The following TMEM39B variants were observed in gnomAD, a reference collection of about 807,000 sequenced individuals.
TMEM39B encodes the protein transmembrane protein 39B.
Under a neutral mutation model 52.2 loss-of-function variants are expected in TMEM39B, and 23 were observed. The ratio of observed to expected loss-of-function variants is 0.44; its 90% CI spans 0.32 to 0.62. TMEM39B has a LOEUF of 0.62. Ranked by LOEUF, TMEM39B falls within the 20% of genes least tolerant of loss-of-function variation. TMEM39B has a pLI of 0.06. For synonymous variants in TMEM39B, 285 were observed against 264.0 expected, an observed-to-expected ratio of 1.08 and a Z score of -0.77; for missense variants, 547 against 642.0, an observed-to-expected ratio of 0.85 and a Z score of 1.60.
chr1:32,088,008 C>G (rs1190290603), intron 5 of TMEM39B, among the ~76,000 whole-genome samples: 5 of 150,716 alleles, frequency 3.3e-5, no homozygotes, highest in African/African-American at 1.2e-4. Context: ...CGCCTGTAGT[C>G]CCGGCTACTC....
At chr1:32,072,916 C>A, upstream of TMEM39B, 1 of 1,241,844 alleles carries the variant, frequency 8.1e-7, no homozygotes, top group South Asian at 1.4e-5. Context: ...GCAAATGTAG[C>A]GGCGCGGCGG....
intron 6 of TMEM39B, among the ~76,000 whole-genome samples, chr1:32,092,437 C>T (rs754536282): frequency 2.0e-5 from 3 of 152,208 alleles, no homozygotes; most frequent in South Asian, 2.1e-4. Flanking sequence ...GGATTACAAG[C>T]GTGAGCCACT....
At chr1:32,100,096 G>A (rs1640961303) in intron 7 of TMEM39B, among the ~76,000 whole-genome samples, 1 of 151,990 alleles carries the variant, frequency 6.6e-6, no homozygotes, top group Non-Finnish European at 1.5e-5. Context: ...GTCAGGCTGA[G>A]CTTAGTATTT....
chr1:32,078,311 C>T (rs1178056924), intron 5 of TMEM39B, among the ~76,000 whole-genome samples: 1 of 151,978 alleles, frequency 6.6e-6, no homozygotes, highest in African/African-American at 2.4e-5. Context: ...TGGCGAAATC[C>T]TGTCTACTAA....
At chr1:32,089,011 C>A (rs562993717) in intron 5 of TMEM39B, among the ~76,000 whole-genome samples, 4 of 151,854 alleles carry the variant, frequency 2.6e-5, no homozygotes, top group Non-Finnish European at 5.9e-5. Context: ...TAGTGTAATA[C>A]CTTGCTGAGA....
In TMEM39B at chr1:32,092,024, A is replaced by G. The variant is rs1221680804; in HGVS notation, c.927+13A>G. 1.2e-6 allele frequency: 2 copies of G among 1,608,114 alleles called. No homozygotes were observed. The highest frequency in any genetic ancestry group is 1.3e-5 in the African/African-American group (1 of 74,988). On this transcript the variant is annotated intron_variant, in intron 6 of 8. Coordinates refer to ENST00000336294, the MANE Select transcript of TMEM39B (RefSeq NM_018056.4). ...CTGGTTCGTGAAGGTGCGTACCTCA[A>G]GCCAGGGAGGGAAAGGGACTAGCTG...
intron 5 of TMEM39B, among the ~76,000 whole-genome samples, chr1:32,086,387 T>A (rs945251210): frequency 6.6e-6 from 1 of 152,146 alleles, no homozygotes; most frequent in African/African-American, 2.4e-5. Flanking sequence ...CCCCTGGTTA[T>A]TGAGCACATG....
intron 6 of TMEM39B, 40 bp from the exon 7 acceptor site, chr1:32,094,744 A>C (rs1295994360): frequency 6.2e-7 from 1 of 1,605,194 alleles, no homozygotes; most frequent in East Asian, 2.2e-5. Flanking sequence ...TGAGGCCATT[A>C]TGGGGATCCC....
At chr1:32,088,295 T>C (rs1231085688) in intron 5 of TMEM39B, among the ~76,000 whole-genome samples, 1 of 150,278 alleles carries the variant, frequency 6.7e-6, no homozygotes, top group Non-Finnish European at 1.5e-5. Context: ...CGGGCGCCTG[T>C]AGTCCCAGCT....
Position 32,100,481 on chromosome 1 carries a change from G to A in TMEM39B, c.1155G>A (p.Val385=), listed in dbSNP as rs1297699808. The A allele has an allele frequency of 6.2e-7, 1 of 1,611,802 alleles. No individual in the cohort carries two copies. Among genetic ancestry groups the A allele is most frequent in the Admixed American group, 1.7e-5 (1 of 59,696 alleles). ...EECMWPQGVL[V]KHSKNVYKAV... ...GCATGTGGCCGCAGGGCGTGCTGGTGAAGCACAGCAAGAACGTCTACAAAG... is the reference window on the plus strand; with the variant it reads ...GCATGTGGCCGCAGGGCGTGCTGGTAAAGCACAGCAAGAACGTCTACAAAG... The change falls in exon 8 of 9, where the codon GTG becomes GTA. Residue 385 remains valine, a synonymous_variant. Transcript: ENST00000336294.
At chr1:32,086,305 G>A (rs867044232) in intron 5 of TMEM39B, among the ~76,000 whole-genome samples, 1 of 152,120 alleles carries the variant, frequency 6.6e-6, no homozygotes, top group African/African-American at 2.4e-5. Flanking sequence ...GGGTAGATAA[G>A]CTCCCACCTC....
intron 5 of TMEM39B, among the ~76,000 whole-genome samples, chr1:32,089,695 G>T (rs1640524054): frequency 6.6e-6 from 1 of 150,548 alleles, no homozygotes; most frequent in Non-Finnish European, 1.5e-5. Flanking sequence ...TACCCAGGCT[G>T]GAGTGCAGTG....
At chr1:32,084,013 A>ACACACACACACAC (rs1557426912) in intron 5 of TMEM39B, among the ~76,000 whole-genome samples, 2 of 152,236 alleles carry the variant, frequency 1.3e-5, no homozygotes, top group African/African-American at 4.8e-5. Flanking sequence ...ACACACACAC[A>ACACACACACACAC]AATGTTCCTA....
chr1:32,102,502 G>A lies in TMEM39B; in HGVS notation c.1308G>A (p.Gln436=), dbSNP rs1257260458. ...TGGAGGGCGCTGTCATTGTCTATCA[G>A]CTGTACTCCCTAATGTCCTCTGAAA... ...LLLEGAVIVY[Q]LYSLMSSEKW... is the part of the protein sequence containing the mutation. Residue 436 remains glutamine, a synonymous_variant, in exon 9 of 9, where the codon CAG becomes CAA. Coordinates refer to ENST00000336294, the MANE Select transcript of TMEM39B (RefSeq NM_018056.4). 6.2e-7 allele frequency: 1 copy of A among 1,614,082 alleles called. No homozygotes were observed. Among genetic ancestry groups the A allele is most frequent in the African/African-American group, 1.3e-5 (1 of 74,924 alleles).
At chr1:32,096,451 CTTTTTTTTTTTTTTTT>C (rs965499225) in intron 7 of TMEM39B, among the ~76,000 whole-genome samples, 1 of 105,028 alleles carries the variant, frequency 9.5e-6, no homozygotes, top group South Asian at 3.5e-4. Context: ...CTCCTCTGGC[CTTTTTTTTTTTTTTTT>C]TTTTTTTTTT....
intron 3 of TMEM39B, 74 bp from the exon 4 acceptor site, chr1:32,076,689 G>C: frequency 7.1e-7 from 1 of 1,412,290 alleles, no homozygotes; most frequent in Non-Finnish European, 1.0e-6. Context: ...AATGGGCAGC[G>C]GGAGGTGGGT....
rs753119174 is a variant in TMEM39B at position 32,094,886 on chromosome 1, T to C, written c.1030T>C (p.Cys344Arg). 6.2e-7 allele frequency: 1 copy of C among 1,614,176 alleles called. No individual in the cohort carries two copies. Among genetic ancestry groups the C allele is most frequent in the Non-Finnish European group, 8.5e-7 (1 of 1,180,040 alleles). ...GCAGCACCTGCTGCCTGCCAGCTAC[T>C]GTGACCTGCTGCACAAGGCCGCCGC... ...LMQHLLPASY[C>R]DLLHKAAAHL... Residue 344 changes from cysteine (C) to arginine (R), a missense_variant, in exon 7 of 9, where the codon TGT becomes CGT. Physicochemically the swap from Cys to Arg is radical, Grantham distance 180. Transcript: ENST00000336294.
chr1:32,098,529 G>C (rs1433407109), intron 7 of TMEM39B, among the ~76,000 whole-genome samples: 3 of 151,530 alleles, frequency 2.0e-5, no homozygotes, highest in Non-Finnish European at 4.4e-5. Context: ...TCAGGAGATC[G>C]AGGCCATCCT....
At chr1:32,080,559 C>T (rs1202804830) in intron 5 of TMEM39B, among the ~76,000 whole-genome samples, 1 of 150,410 alleles carries the variant, frequency 6.6e-6, no homozygotes, top group African/African-American at 2.4e-5. Context: ...CCCAGCTACT[C>T]GGGAGGCTGA....
Sources: gnomAD v4.1 joint callset for allele counts (sites outside exome capture counted in the v4.1 genomes callset) on GRCh38, gnomAD v4.1.1 for gene constraint, MANE v1.5 for transcripts, NCBI Gene and HGNC (gene_info 2026-07-23, HGNC 2026-07-21) for gene names.